The following MLPH variants were observed in gnomAD, a reference collection of about 807,000 sequenced individuals.
MLPH encodes the protein exophilin-3.
A neutral mutation model predicts 72.1 loss-of-function variants in MLPH; 51 were observed. The observed-to-expected ratio is 0.71, with a 90% CI of 0.56 to 0.89. The LOEUF is 0.89. Among genes scored for constraint, MLPH ranks in the 40% least tolerant of loss-of-function variants. The pLI is 0.00. For missense variants in MLPH, 743 were observed against 759.9 expected, an observed-to-expected ratio of 0.98 and a Z score of 0.26; for synonymous variants, 301 against 310.1, an observed-to-expected ratio of 0.97 and a Z score of 0.31.
rs71887544 is a variant in MLPH at position 237,510,900 on chromosome 2, C to CGTGT, written c.333-67_333-64dup. Reference sequence around the variant, plus strand: ...GGGTGGACGCACACATGCACACACTCGTGTGTGTGTGTGTGTGTGTGTGTG... The same window carrying CGTGT: ...GGGTGGACGCACACATGCACACACTCGTGTGTGTGTGTGTGTGTGTGTGTGTGTG... On this transcript the variant is annotated intron_variant, in intron 3 of 15. Coordinates refer to ENST00000264605, the MANE Select transcript of MLPH (RefSeq NM_024101.7). The surrounding 1 kb of genome is among the most constrained non-coding windows in gnomAD (Gnocchi z 4.4). 124,003 of 1,317,500 alleles carry CGTGT rather than the reference C, an allele frequency of 0.094. 3,253 individuals carry two copies. The highest frequency in any genetic ancestry group is 0.24 in the African/African-American group (15,944 of 66,500). The allele number at this position is 1,317,500 out of a possible 1,614,324, so 81.6% of individuals were successfully genotyped here. A position where few individuals can be genotyped will look rare whatever the true frequency, so the allele number is the denominator to read the frequency against.
At position 237,510,992 on chromosome 2, in the gene MLPH, C is replaced by G. The variant is rs200648474; in HGVS notation, c.336C>G (p.Val112=). Residue 112 remains valine (V), a synonymous_variant, in exon 4 of 16, where the codon GTC becomes GTG. Coordinates refer to ENST00000264605, the MANE Select transcript of MLPH (RefSeq NM_024101.7). This position sits in a 1 kb window ranked among gnomAD's most constrained non-coding sequence, Gnocchi z 4.4. ...WICDPCHLAR[V]VKIGSLEWYY... ...GAGCCTGTGCTTGTCCCTGCAGAGT[C>G]GTGAAGATCGGCTCACTGGAGTGGT... is the stretch of plus-strand genomic sequence containing the variant. 1 of 1,613,388 alleles carries G rather than the reference C, an allele frequency of 6.2e-7. No individual in the cohort carries two copies. Among genetic ancestry groups the G allele is most frequent in the Non-Finnish European group, 8.5e-7 (1 of 1,179,808 alleles).
intron 4 of MLPH, among the ~76,000 whole-genome samples, chr2:237,511,853 T>A (rs186378657): frequency 1.4e-4 from 21 of 152,194 alleles, no homozygotes; most frequent in Non-Finnish European, 3.1e-4. Context: ...TTGGAAGAGA[T>A]CTTTTCAGGG....
In MLPH at chr2:237,493,442, G is replaced by C; in HGVS notation, c.16G>C (p.Asp6His). The change falls in exon 2 of 16, where the codon GAT becomes CAT. Residue 6 changes from aspartate to histidine, a missense_variant. Transcript: ENST00000264605. ...AGAAGCAGAAATGGGGAAGAAACTG[G>C]ATCTTTCCAAGCTCACTGATGAAGA... Reference protein sequence around the residue: MGKKLDLSKLTDEEAQ... With the variant: MGKKLHLSKLTDEEAQ... The C allele has an allele frequency of 6.2e-7, 1 of 1,613,980 alleles. No homozygotes were observed. Among genetic ancestry groups the C allele is most frequent in the South Asian group, 1.1e-5 (1 of 91,076 alleles).
At chr2:237,529,168 G>A (rs2080368008) in intron 8 of MLPH, among the ~76,000 whole-genome samples, 1 of 152,008 alleles carries the variant, frequency 6.6e-6, no homozygotes, top group Admixed American at 6.6e-5. Flanking sequence ...TCCCCTTCCT[G>A]AGTAGCTGGG....
intron 5 of MLPH, among the ~76,000 whole-genome samples, chr2:237,519,233 T>G (rs1221612695): frequency 6.6e-6 from 1 of 151,962 alleles, no homozygotes; most frequent in Non-Finnish European, 1.5e-5. Context: ...GCTGGGTAGG[T>G]GAGCAGGGGT....
intron 1 of MLPH, among the ~76,000 whole-genome samples, chr2:237,490,965 G>T (rs752772851): frequency 2.0e-5 from 3 of 152,286 alleles, no homozygotes; most frequent in African/African-American, 7.2e-5. Flanking sequence ...AAAATTCAAC[G>T]AATTATCCTT....
intron 8 of MLPH, among the ~76,000 whole-genome samples, chr2:237,533,983 TC>T (rs1480415841): frequency 6.6e-6 from 1 of 152,224 alleles, no homozygotes; most frequent in African/African-American, 2.4e-5. Flanking sequence ...GAAAGATGCA[TC>T]TGCTGGGTGA....
rs1466763120 is a variant in MLPH, at chr2:237,542,598, T to G, written c.1478T>G (p.Leu493Arg). Reference protein sequence around the residue: ...VSDIESRIAALRAAGLTVKPS... With the variant: ...VSDIESRIAARRAAGLTVKPS... Reference sequence around the variant, plus strand: ...GACATTGAATCCAGGATTGCAGCCCTGAGGGCCGCAGGGCTCACGGTGAAG... The same window carrying G: ...GACATTGAATCCAGGATTGCAGCCCGGAGGGCCGCAGGGCTCACGGTGAAG... Residue 493 changes from leucine (L) to arginine (R), a missense_variant, in exon 12 of 16, where the codon CTG (leucine) becomes CGG (arginine). Transcript: ENST00000264605. 6.2e-7 allele frequency: 1 copy of G among 1,603,512 alleles called. No homozygotes were observed.
At chr2:237,501,018 A>G (rs2325837) in intron 2 of MLPH, among the ~76,000 whole-genome samples, 3,919 of 151,512 alleles carry the variant, frequency 0.026, 158 homozygotes, top group African/African-American at 0.084. Context: ...CATAACCCCC[A>G]CAGAGCTTCC....
rs2081090028 is a variant in MLPH, at chr2:237,554,175, T to C, written c.*583T>C. On this transcript the variant is annotated 3_prime_UTR_variant, in exon 16 of 16. Transcript: ENST00000264605. ...CGTGCACCCGCTCTGCAAGTTCCCATGTGATCTGTAGACCAGGGGAAATTA... is the reference window on the plus strand; with the variant it reads ...CGTGCACCCGCTCTGCAAGTTCCCACGTGATCTGTAGACCAGGGGAAATTA... 3.5e-5 allele frequency: 8 copies of C among 229,168 alleles called. No homozygotes were observed. In the South Asian group the frequency reaches 5.8e-4, roughly 17 times the overall value. 14.2% of individuals were successfully genotyped at this position (229,168 alleles called of 1,614,324 possible).
chr2:237,546,757 A>T, intron 13 of MLPH, 74 bp downstream of exon 13: 3 of 1,284,006 alleles, frequency 2.3e-6, no homozygotes, highest in Non-Finnish European at 3.4e-6. Context: ...GCAGTGTGGC[A>T]AGTCCACGGG....
intron 2 of MLPH, among the ~76,000 whole-genome samples, chr2:237,502,367 C>A (rs1183982893): frequency 6.6e-6 from 1 of 152,214 alleles, no homozygotes; most frequent in Admixed American, 6.5e-5. Flanking sequence ...GGCACCCATC[C>A]CTGTCCTGGA....
intron 4 of MLPH, 155 bp from the exon 5 acceptor site, chr2:237,518,384 T>C: frequency 1.4e-6 from 1 of 716,952 alleles, no homozygotes; most frequent in Non-Finnish European, 2.6e-6. Context: ...GATGGAGGGA[T>C]ACATTGCTGT....
intron 5 of MLPH, among the ~76,000 whole-genome samples, chr2:237,519,692 G>A (rs763283622): frequency 1.2e-4 from 19 of 152,208 alleles, no homozygotes; most frequent in Non-Finnish European, 1.5e-5. Flanking sequence ...CCTGTATCCT[G>A]GGTGGGATGG....
Position 237,540,414 on chromosome 2 carries a change from G to A in MLPH, c.1171G>A (p.Glu391Lys), listed in dbSNP as rs144852340. 3.5e-4 allele frequency: 559 copies of A among 1,613,576 alleles called. 1 individual carries two copies. In the African/African-American group the frequency reaches 5.7e-3, roughly 17 times the overall value. The change falls in exon 10 of 16, where the codon GAG becomes AAG. Residue 391 changes from glutamate (E) to lysine (K), a missense_variant. Glu to Lys is a moderately conservative substitution (Grantham distance 56). Transcript: ENST00000264605. ...EEEALRRKLE[E>K]LTSNVSDQET... ...GGAGGCCCTGAGGAGGAAGCTGGAG[G>A]AGCTGACCAGCAACGTCAGTGACCA... is the stretch of plus-strand genomic sequence containing the variant.
At chr2:237,492,236 A>C (rs1396294882) in intron 1 of MLPH, among the ~76,000 whole-genome samples, 42 of 150,152 alleles carry the variant, frequency 2.8e-4, no homozygotes, top group Non-Finnish European at 4.4e-5. Flanking sequence ...GATGAACTTC[A>C]AAAAAAAAGG....
At position 237,524,302 on chromosome 2, in the gene MLPH, AAT is replaced by A. The variant is rs139706602; in HGVS notation, c.676-1281_676-1280del. ...TTTCTTAGAGGGACAGAACTAATAGAATATATATATATATATATAAAGGGGAG... is the reference window on the plus strand; with the variant it reads ...TTTCTTAGAGGGACAGAACTAATAGAATATATATATATATATAAAGGGGAG... On this transcript the variant is annotated intron_variant, in intron 6 of 15. Coordinates refer to ENST00000264605, the MANE Select transcript of MLPH (RefSeq NM_024101.7). Among the ~76,000 whole-genome samples, 106 of 126,946 alleles carry A rather than the reference AAT, an allele frequency of 8.4e-4. 2 individuals are homozygous for A. The highest frequency in any genetic ancestry group is 8.8e-4 in the Admixed American group (12 of 13,646). The allele number at this position is 126,946 out of a possible 152,430, so 83.3% of individuals were successfully genotyped here. A position where few individuals can be genotyped will look rare whatever the true frequency, so the allele number is the denominator to read the frequency against.
chr2:237,537,418 C>G (rs1232095995), intron 9 of MLPH: 1 of 152,284 alleles, frequency 6.6e-6, no homozygotes, highest in Non-Finnish European at 1.5e-5. Context: ...GCTTCCATTT[C>G]TCACGGGGAT....
chr2:237,493,620 C>G, intron 2 of MLPH, 84 bp downstream of exon 2: 1 of 988,684 alleles, frequency 1.0e-6, no homozygotes, highest in Non-Finnish European at 1.6e-6. Context: ...CTGGGTGGGT[C>G]AACAGCCACG....
Sources: gnomAD v4.1 joint callset for allele counts (sites outside exome capture counted in the v4.1 genomes callset) on GRCh38, gnomAD v4.1.1 for gene constraint, Gnocchi (gnomAD v3.1) non-coding constraint, MANE v1.5 for transcripts, NCBI Gene and HGNC (gene_info 2026-07-23, HGNC 2026-07-21) for gene names.